Variants in UMODL1 observed in about 807,000 individuals in gnomAD.
The protein encoded by UMODL1 is uromodulin-like 1.
UMODL1 carries 128 observed loss-of-function variants against 136.3 expected under a neutral mutation model. That is an observed-to-expected ratio of 0.94 (90% confidence interval 0.81 to 1.09). The LOEUF (loss-of-function observed/expected upper bound fraction) is 1.09. Ranked by LOEUF, UMODL1 falls within the 50% of genes least tolerant of loss-of-function variation. The probability of loss-of-function intolerance (pLI) is 0.00; values close to 1 mark genes in which losing one functional copy is unlikely to be tolerated. For synonymous variants in UMODL1, 721 were observed against 720.0 expected, an observed-to-expected ratio of 1.00 and a Z score of -0.02; for missense variants, 1,766 against 1,725.6, an observed-to-expected ratio of 1.02 and a Z score of -0.41.
At chr21:42,077,524 A>G (rs1250071941) in intron 2 of UMODL1, among the ~76,000 whole-genome samples, 2 of 137,918 alleles carry the variant, frequency 1.5e-5, no homozygotes, top group African/African-American at 2.5e-5. Context: ...ACAGAAAAGT[A>G]AACAGTTCCA....
Position 42,102,273 on chromosome 21 carries a change from C to G in UMODL1, c.1294C>G (p.His432Asp). ...EYQDFSRQLL[H>D]EVESSFPPVV... is the part of the protein sequence containing the mutation. ...CCAGGACTTTTCTAGACAACTGCTTCACGAGGTAAAGCCACAATGCAGACA... is the reference window on the plus strand; with the variant it reads ...CCAGGACTTTTCTAGACAACTGCTTGACGAGGTAAAGCCACAATGCAGACA... The change falls in exon 8 of 23, where the codon CAC becomes GAC. Residue 432 changes from histidine (H) to aspartate (D), a missense_variant. Coordinates refer to ENST00000408910, the MANE Select transcript of UMODL1 (RefSeq NM_001004416.3). 6.2e-7 allele frequency: 1 copy of G among 1,606,862 alleles called. No individual in the cohort carries two copies. Among genetic ancestry groups the G allele is most frequent in the East Asian group, 2.2e-5 (1 of 44,792 alleles).
rs754070382 is a variant in UMODL1 at position 42,122,962 on chromosome 21, G to A, written c.2959G>A (p.Gly987Arg). The change falls in exon 17 of 23, where the codon GGA becomes AGA. Residue 987 changes from glycine (G) to arginine (R), a missense_variant. Physicochemically the swap from Gly to Arg is moderately radical, Grantham distance 125. Transcript: ENST00000408910. This position sits in a 1 kb window ranked among gnomAD's most constrained non-coding sequence, Gnocchi z 4.3. ...QGLPQRLNLT[G>R]AVRVLCEIEK... ...CCTGCCCCAGCGGCTGAACCTGACC[G>A]GAGCAGTCAGGGTGCTCTGTGAGAT... The A allele has an allele frequency of 2.7e-5, 43 of 1,613,902 alleles. No homozygotes were observed. The South Asian group carries it at 2.7e-4, about 10-fold the overall frequency.
In UMODL1 at chr21:42,104,067, G is replaced by T. The variant is rs556085261; in HGVS notation, c.1499G>T (p.Arg500Leu). Residue 500 changes from arginine (R) to leucine (L), a missense_variant, in exon 9 of 23, where the codon CGG (arginine) becomes CTG (leucine). By Grantham distance (102) the Arg-to-Leu change is moderately radical. Transcript: ENST00000408910. ...LLASTVFQIDRQGTRVQDWDE... is the reference protein window; with the variant it reads ...LLASTVFQIDLQGTRVQDWDE... ...GCAAGCACAGTGTTCCAGATTGACC[G>T]GCAGGGGACACGCGTGCAAGGTATG... 3.1e-6 allele frequency: 5 copies of T among 1,612,530 alleles called. No homozygotes were observed. Among genetic ancestry groups the T allele is most frequent in the Non-Finnish European group, 4.2e-6 (5 of 1,179,086 alleles).
chr21:42,108,659 C>T (rs1042473416), intron 9 of UMODL1: 26 of 322,224 alleles, frequency 8.1e-5, no homozygotes, highest in African/African-American at 5.2e-4. Context: ...AAGGCACTGT[C>T]ACCTCCAGCA....
At chr21:42,084,019 C>T in intron 2 of UMODL1, 65 bp from the exon 3 acceptor site, 2 of 1,573,316 alleles carry the variant, frequency 1.3e-6, no homozygotes, top group Middle Eastern at 1.7e-4. Context: ...GACGTGAGGT[C>T]CCCGTGCAGC....
At chr21:42,069,700 T>C (rs1439563310), upstream of UMODL1, among the ~76,000 whole-genome samples, 1 of 152,214 alleles carries the variant, frequency 6.6e-6, no homozygotes, top group Non-Finnish European at 1.5e-5. Flanking sequence ...TAACCTGTAA[T>C]ATTATCCCTG....
intron 22 of UMODL1, among the ~76,000 whole-genome samples, chr21:42,140,595 C>T (rs1408362779): frequency 6.6e-6 from 1 of 152,182 alleles, no homozygotes; most frequent in Non-Finnish European, 1.5e-5. Context: ...TGCCTTTCCC[C>T]TTCATCAGAG....
chr21:42,113,838 G>T lies in UMODL1; in HGVS notation c.2362+8G>T, dbSNP rs769117087. ...ATCTGAAAGTGAGGACAGGTAATGG[G>T]CTTCCATTTGTTTTTAAAGAGAGGA... is the stretch of plus-strand genomic sequence containing the variant. On this transcript the variant is annotated splice_region_variant and intron_variant, in intron 13 of 22. Coordinates refer to ENST00000408910, the MANE Select transcript of UMODL1 (RefSeq NM_001004416.3). 16 of 1,604,812 alleles carry T rather than the reference G, an allele frequency of 1.0e-5. No individual in the cohort carries two copies. The South Asian group carries it at 1.8e-4, about 18-fold the overall frequency.
rs1312570914 is a variant in UMODL1, at chr21:42,084,138, G to A, written c.374G>A (p.Gly125Glu). The change falls in exon 3 of 23, where the codon GGG becomes GAG. Residue 125 changes from glycine (G) to glutamate (E), a missense_variant. Gly to Glu is a moderately conservative substitution (Grantham distance 98, BLOSUM62 -2). Coordinates refer to ENST00000408910, the MANE Select transcript of UMODL1 (RefSeq NM_001004416.3). The part of the protein sequence containing the change: ...TSRPGACPAE[G>E]PEPSTSPCSL... The stretch of plus-strand genomic sequence containing the variant: ...AGACCTGGGGCCTGCCCCGCAGAGG[G>A]GCCTGAACCATCCACCTCCCCCTGC... 6.2e-7 allele frequency: 1 copy of A among 1,614,178 alleles called. No homozygotes were observed. Among genetic ancestry groups the A allele is most frequent in the Non-Finnish European group, 8.5e-7 (1 of 1,180,016 alleles).
At chr21:42,080,990 G>A (rs564911660) in intron 2 of UMODL1, among the ~76,000 whole-genome samples, 18 of 152,150 alleles carry the variant, frequency 1.2e-4, no homozygotes, top group South Asian at 2.1e-4. Flanking sequence ...ACATCATACC[G>A]TACAAACACG....
chr21:42,104,776 G>A (rs1173764375), intron 9 of UMODL1, among the ~76,000 whole-genome samples: 1 of 152,212 alleles, frequency 6.6e-6, no homozygotes, highest in Non-Finnish European at 1.5e-5. Flanking sequence ...ATTACGCTGT[G>A]TGTTATTTCA....
chr21:42,063,462 T>C (rs1413950649), intron 1 of UMODL1, among the ~76,000 whole-genome samples: 3 of 152,306 alleles, frequency 2.0e-5, no homozygotes, highest in Admixed American at 2.0e-4. Flanking sequence ...AGGCCAGGCA[T>C]TGGGATTTTT....
Position 42,109,706 on chromosome 21 carries a change from G to A in UMODL1, c.1657+7G>A. The A allele has an allele frequency of 6.2e-7, 1 of 1,600,472 alleles. No individual in the cohort carries two copies. The highest frequency in any genetic ancestry group is 8.5e-7 in the Non-Finnish European group (1 of 1,179,728). On this transcript the variant is annotated splice_region_variant and intron_variant, in intron 10 of 22. Coordinates refer to ENST00000408910, the MANE Select transcript of UMODL1 (RefSeq NM_001004416.3). ...GCAGGCCGGGCCTGTGAGGGTACGT[G>A]TCGACCCCCCTGCCGACTCTGGGAA...
chr21:42,111,845 G>C (rs746260528), intron 12 of UMODL1, 135 bp downstream of exon 12: 1 of 957,140 alleles, frequency 1.0e-6, no homozygotes, highest in African/African-American at 1.7e-5. Context: ...CATCTTGTGC[G>C]TGTGGAAACG....
At chr21:42,135,469 G>A (rs1217082144) in intron 21 of UMODL1, among the ~76,000 whole-genome samples, 1 of 152,230 alleles carries the variant, frequency 6.6e-6, no homozygotes, top group African/African-American at 2.4e-5. Flanking sequence ...GAACAGGGAT[G>A]GGTCTTTCCC....
Position 42,127,676 on chromosome 21 carries a change from C to G in UMODL1, c.3535C>G (p.Pro1179Ala), listed in dbSNP as rs760099173. 3 of 1,613,308 alleles carry G rather than the reference C, an allele frequency of 1.9e-6. No individual in the cohort carries two copies. Among genetic ancestry groups the G allele is most frequent in the Non-Finnish European group, 2.5e-6 (3 of 1,179,758 alleles). The change falls in exon 20 of 23, where the codon CCT (proline) becomes GCT (alanine). Residue 1179 changes from proline to alanine, a missense_variant. By Grantham distance (27) the Pro-to-Ala change is conservative. Transcript: ENST00000408910. ...TCCCATTTCCTCTCTTCTCAGCTGC[C>G]CTGTGCCCAACACATACACCAACGT... ...ITFSFINNSC[P>A]VPNTYTNVIE...
rs376901813 is a variant in UMODL1 at position 42,119,115 on chromosome 21, G to A, written c.2480G>A (p.Arg827Gln). Reference protein sequence around the residue: ...DFLELFFRMVRGSLPATMCQH... With the variant: ...DFLELFFRMVQGSLPATMCQH... ...ACATGGCCTCTTTCCCCGCAGGTGC[G>A]GGGCTCCCTGCCAGCCACCATGTGT... Residue 827 changes from arginine to glutamine, a missense_variant, in exon 15 of 23, where the codon CGG becomes CAG. Physicochemically the swap from Arg to Gln is conservative, Grantham distance 43. Coordinates refer to ENST00000408910, the MANE Select transcript of UMODL1 (RefSeq NM_001004416.3). The A allele has an allele frequency of 3.4e-5, 55 of 1,612,092 alleles. No homozygotes were observed. Among genetic ancestry groups the A allele is most frequent in the African/African-American group, 9.3e-5 (7 of 75,004 alleles).
At position 42,142,594 on chromosome 21, in the gene UMODL1, A is replaced by G. The variant is rs2067297566; in HGVS notation, c.*520A>G. 1 of 152,304 alleles carries G rather than the reference A, an allele frequency of 6.6e-6. No individual in the cohort carries two copies. Among genetic ancestry groups the G allele is most frequent in the East Asian group, 1.9e-4 (1 of 5,190 alleles). The allele number at this position is 152,304 out of a possible 1,614,324, so 9.4% of individuals were successfully genotyped here. A position where few individuals can be genotyped will look rare whatever the true frequency, so the allele number is the denominator to read the frequency against. Reference sequence around the variant, plus strand: ...AGGTCAGTCTTAGAAATACACTGCTAATGTTATTTTTAGTGGATGTTTATG... The same window carrying G: ...AGGTCAGTCTTAGAAATACACTGCTGATGTTATTTTTAGTGGATGTTTATG... On this transcript the variant is annotated 3_prime_UTR_variant, in exon 23 of 23. Coordinates refer to ENST00000408910, the MANE Select transcript of UMODL1 (RefSeq NM_001004416.3).
In UMODL1 at chr21:42,129,698, GAA is replaced by G. The variant is rs56804381; in HGVS notation, c.3691-5_3691-4del. 65 of 1,230,980 alleles carry G rather than the reference GAA, an allele frequency of 5.3e-5. No homozygotes were observed. Among genetic ancestry groups the G allele is most frequent in the East Asian group, 1.3e-4 (5 of 37,178 alleles). 76.3% of individuals were successfully genotyped at this position (1,230,980 alleles called of 1,614,324 possible). On this transcript the variant is annotated splice_polypyrimidine_tract_variant and intron_variant, in intron 20 of 22. Coordinates refer to ENST00000408910, the MANE Select transcript of UMODL1 (RefSeq NM_001004416.3). ...AATTAATTTGACGTTTCTCTTCTTG[GAA>G]AAAAAAAAACAGAATTGCAATAACT... is the stretch of plus-strand genomic sequence containing the variant.
Sources: gnomAD v4.1 joint callset for allele counts (sites outside exome capture counted in the v4.1 genomes callset) on GRCh38, gnomAD v4.1.1 for gene constraint, Gnocchi (gnomAD v3.1) non-coding constraint, MANE v1.5 for transcripts, NCBI Gene and HGNC (gene_info 2026-07-23, HGNC 2026-07-21) for gene names.